Variants in USP34 observed in about 807,000 individuals in gnomAD.
The protein encoded by USP34 is ubiquitin carboxyl-terminal hydrolase 34.
USP34 carries 70 observed loss-of-function variants against 460.3 expected under a neutral mutation model. The ratio of observed to expected loss-of-function variants is 0.15; its 90% CI spans 0.13 to 0.19. The LOEUF (loss-of-function observed/expected upper bound fraction) is 0.19. Among genes scored for constraint, USP34 ranks in the 10% least tolerant of loss-of-function variants. The pLI, the probability that USP34 is intolerant of heterozygous loss-of-function variation, is 1.00. For synonymous variants in USP34, 1,647 were observed against 1,405.3 expected (o/e 1.17, Z -3.85); for missense variants, 3,985 against 4,236.2 (o/e 0.94, Z 1.65).
intron 1 of USP34, among the ~76,000 whole-genome samples, chr2:61,432,252 T>C (rs1355380075): frequency 2.0e-5 from 3 of 151,852 alleles, no homozygotes; most frequent in Non-Finnish European, 1.5e-5. Context: ...GGTGGGCAGA[T>C]GGCTTGAATT....
chr2:61,384,782 G>A (rs931553332), intron 5 of USP34, among the ~76,000 whole-genome samples: 4 of 152,064 alleles, frequency 2.6e-5, no homozygotes, highest in East Asian at 1.9e-4. Flanking sequence ...TAAATACTAC[G>A]TTAATGATGA....
chr2:61,433,277 AAAGT>A (rs1420640383), intron 1 of USP34, among the ~76,000 whole-genome samples: 3 of 152,168 alleles, frequency 2.0e-5, no homozygotes, highest in Non-Finnish European at 4.4e-5. Flanking sequence ...ATGCAGGGAA[AAAGT>A]AAGCAGAAGA....
chr2:61,194,354 T>G (rs1236796899), intron 75 of USP34: 1 of 965,462 alleles, frequency 1.0e-6, no homozygotes, highest in Non-Finnish European at 1.2e-6. Flanking sequence ...TCATCACATC[T>G]GTGGCTATAG....
In USP34 at chr2:61,366,311, G is replaced by C. The variant is rs1692439748; in HGVS notation, c.1251+4010C>G. ...AAGCTATAGAGGAGGTAGGTGAGAT[G>C]ATCTTCCCAACATAACTGAGAAAGA... On this transcript the variant is annotated intron_variant, in intron 10 of 79. Transcript: ENST00000398571. Among the ~76,000 whole-genome samples, 5 of 152,308 alleles carry C rather than the reference G, an allele frequency of 3.3e-5. No individual in the cohort carries two copies. The South Asian group carries it at 1.0e-3, about 32-fold the overall frequency.
intron 21 of USP34, among the ~76,000 whole-genome samples, chr2:61,323,444 G>A (rs1395226170): frequency 6.6e-6 from 1 of 151,460 alleles, no homozygotes; most frequent in Non-Finnish European, 1.5e-5. Context: ...GAACCTGGGA[G>A]GCAGAGCTTG....
rs531691320 is a variant in USP34 at position 61,341,882 on chromosome 2, C to T, written c.2500+1933G>A. Among the ~76,000 whole-genome samples the T allele has an allele frequency of 3.3e-5, 5 of 150,856 alleles. No homozygotes were observed. In the South Asian group the frequency reaches 6.3e-4, roughly 19 times the overall value. On this transcript the variant is annotated intron_variant, in intron 16 of 79. Transcript: ENST00000398571. ...GGTTCAAGTGATTCTCCTGCCTCAG[C>T]GTCCCGAGTAGCTGGGACGACAGGT...
intron 75 of USP34, chr2:61,194,103 G>C: frequency 1.0e-6 from 1 of 985,382 alleles, no homozygotes; most frequent in Non-Finnish European, 1.2e-6. Flanking sequence ...CAAACCGTGG[G>C]TTAGACCAAG....
Position 61,190,417 on chromosome 2 carries a change from GAAAAAGAAGATTT to G in USP34, c.9730-16_9730-4del. ...TCAGAAAACACTTGACTTTGAACCT[GAAAAAGAAGATTT>G]AAAAAAATCTCCAAAAGACCAGCAT... On this transcript the variant is annotated splice_polypyrimidine_tract_variant and splice_region_variant and intron_variant, in intron 77 of 79. Transcript: ENST00000398571. The G allele has an allele frequency of 6.3e-7, 1 of 1,599,074 alleles. No individual in the cohort carries two copies. The highest frequency in any genetic ancestry group is 8.5e-7 in the Non-Finnish European group (1 of 1,175,346).
At chr2:61,215,392 T>C (rs1235167872) in intron 67 of USP34, among the ~76,000 whole-genome samples, 2 of 152,224 alleles carry the variant, frequency 1.3e-5, no homozygotes, top group East Asian at 1.9e-4. Context: ...ATATGCTAAT[T>C]ACAGAACATT....
At chr2:61,382,600 C>G (rs1244071174) in intron 6 of USP34, among the ~76,000 whole-genome samples, 1 of 152,134 alleles carries the variant, frequency 6.6e-6, no homozygotes, top group East Asian at 1.9e-4. Context: ...AAAAAGGGAA[C>G]ACTCAAACCT....
At chr2:61,426,669 C>T (rs1469725712) in intron 1 of USP34, among the ~76,000 whole-genome samples, 2 of 152,234 alleles carry the variant, frequency 1.3e-5, no homozygotes, top group South Asian at 2.1e-4. Flanking sequence ...GTCTGGCTGG[C>T]TTTGCCAACT....
In USP34 at chr2:61,470,969, G is replaced by T. The variant is rs1410414905; in HGVS notation, c.-277C>A. On this transcript the variant is annotated 5_prime_UTR_variant, in exon 1 of 80. Coordinates refer to ENST00000398571, the MANE Select transcript of USP34 (RefSeq NM_014709.4). ...GCGGCGGGGAAGGGGGGGAAGGACG[G>T]GGGGAGGGGAGAGGGGGGGAGGGGG... Among the ~76,000 whole-genome samples, 3 of 141,430 alleles carry T rather than the reference G, an allele frequency of 2.1e-5. No homozygotes were observed. The highest frequency in any genetic ancestry group is 4.7e-5 in the Non-Finnish European group (3 of 63,288). The allele number at this position is 141,430 out of a possible 152,430, so 92.8% of individuals were successfully genotyped here.
rs193135578 is a variant in USP34 at position 61,219,308 on chromosome 2, G to T, written c.8047+1002C>A. 1.1e-3 allele frequency among the ~76,000 whole-genome samples: 169 copies of T among 152,156 alleles called. 6 individuals carry two copies. Among genetic ancestry groups the T allele is most frequent in the Admixed American group, 9.9e-3 (152 of 15,280 alleles). On this transcript the variant is annotated intron_variant, in intron 67 of 79. Coordinates refer to ENST00000398571, the MANE Select transcript of USP34 (RefSeq NM_014709.4). The stretch of plus-strand genomic sequence containing the variant: ...TCCACACACATCTTGTATATTCCCT[G>T]TCCCAGCCCTAAAATCAGTGATTTC...
chr2:61,396,141 T>C (rs1265634254), intron 3 of USP34, among the ~76,000 whole-genome samples: 2 of 152,202 alleles, frequency 1.3e-5, no homozygotes. Context: ...TTTGAAAAGT[T>C]TCTCAACAAA....
At chr2:61,331,546 C>T (rs932975808) in intron 19 of USP34, among the ~76,000 whole-genome samples, 175 bp from the exon 20 acceptor site, 3 of 151,796 alleles carry the variant, frequency 2.0e-5, no homozygotes, top group African/African-American at 7.3e-5. Flanking sequence ...AGCAATGTTC[C>T]TTCATTTTTA....
Position 61,228,821 on chromosome 2 carries a change from C to A in USP34, c.7368+6G>T. 6.3e-7 allele frequency: 1 copy of A among 1,596,786 alleles called. No homozygotes were observed. The highest frequency in any genetic ancestry group is 8.5e-7 in the Non-Finnish European group (1 of 1,172,224). On this transcript the variant is annotated splice_donor_region_variant and intron_variant, in intron 60 of 79. Transcript: ENST00000398571. Reference sequence around the variant, plus strand: ...AATCAAAAAAATAGACAAGATATAGCCTCACCTCTTCTTCACCCATTTTTG... The same window carrying A: ...AATCAAAAAAATAGACAAGATATAGACTCACCTCTTCTTCACCCATTTTTG...
At chr2:61,201,495 G>A (rs991042369) in intron 75 of USP34, among the ~76,000 whole-genome samples, 1 of 152,136 alleles carries the variant, frequency 6.6e-6, no homozygotes, top group Non-Finnish European at 1.5e-5. Flanking sequence ...TTACAAGCGT[G>A]AGCCACCACG....
At chr2:61,387,480 A>G (rs1355819233) in intron 5 of USP34, among the ~76,000 whole-genome samples, 2 of 150,574 alleles carry the variant, frequency 1.3e-5, no homozygotes, top group Non-Finnish European at 3.0e-5. Context: ...AACAACAACA[A>G]AAGTGTGTGT....
Position 61,211,805 on chromosome 2 carries a change from A to G in USP34, c.8807T>C (p.Leu2936Ser), listed in dbSNP as rs767348556. Residue 2936 changes from leucine to serine, a missense_variant, in exon 69 of 80, where the codon TTA becomes TCA. Transcript: ENST00000398571. ...KTTISCYLRC[L>S]DGRSCWTTLI... ...AGTAGTCCAGCAGGAGCGGCCATCTAAGCAACGTAAGTAACAACTTATGGT... is the reference window on the plus strand; with the variant it reads ...AGTAGTCCAGCAGGAGCGGCCATCTGAGCAACGTAAGTAACAACTTATGGT... 6.3e-7 allele frequency: 1 copy of G among 1,592,124 alleles called. No individual in the cohort carries two copies. Among genetic ancestry groups the G allele is most frequent in the South Asian group, 1.2e-5 (1 of 86,940 alleles).
Sources: gnomAD v4.1 joint callset for allele counts (sites outside exome capture counted in the v4.1 genomes callset) on GRCh38, gnomAD v4.1.1 for gene constraint, MANE v1.5 for transcripts, NCBI Gene and HGNC (gene_info 2026-07-23, HGNC 2026-07-21) for gene names.